Variants in POLR3A observed in about 807,000 individuals in gnomAD.
POLR3A encodes the protein DNA-directed RNA polymerase III subunit RPC1.
Under a neutral mutation model 152.8 loss-of-function variants are expected in POLR3A, and 112 were observed. That is an observed-to-expected ratio of 0.73 (90% CI 0.63 to 0.86). The LOEUF is 0.86. Among genes scored for constraint, POLR3A ranks in the 40% least tolerant of loss-of-function variants. The probability of loss-of-function intolerance (pLI) is 0.00; values close to 1 mark genes in which losing one functional copy is unlikely to be tolerated. For synonymous variants in POLR3A, 615 were observed against 652.1 expected (o/e 0.94, Z 0.87); for missense variants, 1,385 against 1,743.1 (o/e 0.79, Z 3.66).
chr10:77,985,576 G>C (rs918322721), intron 23 of POLR3A, among the ~76,000 whole-genome samples: 42 of 152,240 alleles, frequency 2.8e-4, no homozygotes, highest in African/African-American at 1.0e-3. Context: ...ATGGCTGCTT[G>C]TGGTCAGCAT....
chr10:78,025,567 C>T, intron 3 of POLR3A, 55 bp downstream of exon 3: 2 of 1,593,844 alleles, frequency 1.3e-6, no homozygotes, highest in Non-Finnish European at 1.7e-6. Context: ...ATTCCAGCAT[C>T]CCTGACCAAT....
Position 77,991,100 on chromosome 10 carries a change from A to G in POLR3A, c.2855T>C (p.Ile952Thr). Residue 952 changes from isoleucine (I) to threonine (T), a missense_variant, in exon 21 of 31, where the codon ATC becomes ACC. Physicochemically the swap from Ile to Thr is moderately conservative, Grantham distance 89. Around this residue, in one of 7 missense-constraint regions of POLR3A, gnomAD observed 178 missense variants for 204.6 expected, o/e 0.87. Coordinates refer to ENST00000372371, the MANE Select transcript of POLR3A (RefSeq NM_007055.4). The part of the protein sequence containing the change: ...KNELILTTES[I>T]MKKSEFLCCQ... The stretch of plus-strand genomic sequence containing the variant: ...GCAGAGGAACTCACTCTTCTTCATG[A>G]TGGACTCTGTGGTCAGGATCAGCTC... The G allele has an allele frequency of 6.2e-7, 1 of 1,613,806 alleles. No homozygotes were observed. Among genetic ancestry groups the G allele is most frequent in the Non-Finnish European group, 8.5e-7 (1 of 1,179,698 alleles).
intron 29 of POLR3A, among the ~76,000 whole-genome samples, chr10:77,980,590 GA>G (rs1194930943): frequency 6.6e-6 from 1 of 151,984 alleles, no homozygotes; most frequent in Non-Finnish European, 1.5e-5. Context: ...AAAAATAAAA[GA>G]ATGTAAAAAC....
At chr10:77,986,205 G>T in intron 21 of POLR3A, 46 bp from the exon 22 acceptor site, 1 of 930,180 alleles carries the variant, frequency 1.1e-6, no homozygotes, top group Non-Finnish European at 1.8e-6. Flanking sequence ...TCACAGTCAT[G>T]CAGATGACAT....
intron 10 of POLR3A, among the ~76,000 whole-genome samples, chr10:78,017,184 T>C (rs899844467): frequency 3.3e-5 from 5 of 150,524 alleles, no homozygotes; most frequent in Non-Finnish European, 5.9e-5. Flanking sequence ...TCCCAGAACT[T>C]TGGGAGGCTG....
intron 19 of POLR3A, among the ~76,000 whole-genome samples, chr10:77,999,351 T>C (rs551398077): frequency 6.6e-6 from 1 of 152,090 alleles, no homozygotes; most frequent in African/African-American, 2.4e-5. Context: ...AGTACAGGGA[T>C]TGAAAAGACA....
intron 30 of POLR3A, among the ~76,000 whole-genome samples, chr10:77,978,940 G>C (rs997015047): frequency 3.3e-5 from 5 of 152,054 alleles, no homozygotes; most frequent in African/African-American, 1.2e-4. Context: ...GGGATTACAG[G>C]CGTGAGCCAC....
intron 10 of POLR3A, among the ~76,000 whole-genome samples, chr10:78,015,202 G>A (rs1847507070): frequency 6.6e-6 from 1 of 152,122 alleles, no homozygotes; most frequent in Non-Finnish European, 1.5e-5. Context: ...CACAGATATG[G>A]GTTCATCGAA....
At chr10:78,022,521 G>A (rs1847590185) in intron 5 of POLR3A, 137 bp from the exon 6 acceptor site, 8 of 865,362 alleles carry the variant, frequency 9.2e-6, no homozygotes, top group Admixed American at 2.2e-5. Context: ...TGGATGATAC[G>A]CTATGCTGCA....
At chr10:78,026,457 G>T (rs1232034559) in intron 1 of POLR3A, among the ~76,000 whole-genome samples, 1 of 152,024 alleles carries the variant, frequency 6.6e-6, no homozygotes, top group Non-Finnish European at 1.5e-5. Context: ...GCTCACCAAG[G>T]CCACCTAGAC....
Position 78,022,318 on chromosome 10 carries a change from G to A in POLR3A, c.712C>T (p.Leu238Phe). The change falls in exon 6 of 31, where the codon CTT (leucine) becomes TTT (phenylalanine). Residue 238 changes from leucine (L) to phenylalanine (F), a missense_variant. Physicochemically the swap from Leu to Phe is conservative, Grantham distance 22. Transcript: ENST00000372371. ...KRIPAEDVPL[L>F]LMNPEAGKPS... Reference sequence around the variant, plus strand: ...TTTCCGGCTTCTGGGTTCATCAGAAGTAGAGGAACATCTTCAGCTGGGATT... The same window carrying A: ...TTTCCGGCTTCTGGGTTCATCAGAAATAGAGGAACATCTTCAGCTGGGATT... The A allele has an allele frequency of 6.2e-7, 1 of 1,614,156 alleles. No homozygotes were observed. The highest frequency in any genetic ancestry group is 8.5e-7 in the Non-Finnish European group (1 of 1,179,980).
chr10:78,017,815 TCAAA>T, intron 9 of POLR3A, 99 bp from the exon 10 acceptor site: 1 of 1,335,506 alleles, frequency 7.5e-7, no homozygotes. Context: ...TATTATTTCA[TCAAA>T]TCTAAGATGC....
At chr10:77,985,814 T>C in intron 23 of POLR3A, 89 bp downstream of exon 23, 1 of 953,970 alleles carries the variant, frequency 1.0e-6, no homozygotes, top group South Asian at 1.3e-5. Flanking sequence ...ACAAGTGAGC[T>C]GGTGCAGGGT....
Position 77,991,148 on chromosome 10 carries a change from C to A in POLR3A, c.2807G>T (p.Ser936Ile), listed in dbSNP as rs139271396. The A allele has an allele frequency of 2.5e-6, 4 of 1,611,830 alleles. No homozygotes were observed. In the African/African-American group the frequency reaches 5.3e-5, roughly 22 times the overall value. Reference sequence around the variant, plus strand: ...CTCGTTTTTGCTGAGAGCAGGCTCACTGGGACACGGGAAGACTGCCTTGAG... The same window carrying A: ...CTCGTTTTTGCTGAGAGCAGGCTCAATGGGACACGGGAAGACTGCCTTGAG... Reference protein sequence around the residue: ...DNIKAVFPCPSEPALSKNELI... With the variant: ...DNIKAVFPCPIEPALSKNELI... Residue 936 changes from serine (S) to isoleucine (I), a missense_variant, in exon 21 of 31, where the codon AGT (serine) becomes ATT (isoleucine). Physicochemically the swap from Ser to Ile is moderately radical, Grantham distance 142. Around this residue, in one of 7 missense-constraint regions of POLR3A, gnomAD observed 178 missense variants for 204.6 expected, o/e 0.87. Coordinates refer to ENST00000372371, the MANE Select transcript of POLR3A (RefSeq NM_007055.4).
intron 19 of POLR3A, among the ~76,000 whole-genome samples, chr10:77,999,232 G>A (rs1320942751): frequency 6.6e-6 from 1 of 151,960 alleles, no homozygotes; most frequent in African/African-American, 2.4e-5. Context: ...ACACCAACAT[G>A]GCACATGTAT....
chr10:78,006,970 C>G (rs1337093217), intron 15 of POLR3A, among the ~76,000 whole-genome samples: 1 of 152,062 alleles, frequency 6.6e-6, no homozygotes, highest in Non-Finnish European at 1.5e-5. Flanking sequence ...CTTAGTTGGG[C>G]ATGGTGGCAC....
chr10:77,982,123 C>T (rs772566312), intron 28 of POLR3A, 31 bp downstream of exon 28: 22 of 1,600,186 alleles, frequency 1.4e-5, no homozygotes, highest in Admixed American at 1.7e-5. Flanking sequence ...GACAGCCTAA[C>T]CCTAAGGCGA....
chr10:78,007,767 T>A lies in POLR3A; in HGVS notation c.2009A>T (p.Asp670Val). Residue 670 changes from aspartate (D) to valine (V), a missense_variant, in exon 15 of 31, where the codon GAC becomes GTC. By Grantham distance (152) the Asp-to-Val change is radical (BLOSUM62 -3). This residue lies in a region of POLR3A where 188 missense variants were observed against 179.9 expected (regional missense o/e 1.04). Transcript: ENST00000372371. The part of the protein sequence containing the change: ...KNNIFYILLR[D>V]WGQNEAADAM... ...ATCTGCAGCTTCATTCTGTCCCCAGTCTCGCAGCAAAATGTAAAAAATATT... is the reference window on the plus strand; with the variant it reads ...ATCTGCAGCTTCATTCTGTCCCCAGACTCGCAGCAAAATGTAAAAAATATT... 3.7e-6 allele frequency: 6 copies of A among 1,614,110 alleles called. No individual in the cohort carries two copies. Among genetic ancestry groups the A allele is most frequent in the Non-Finnish European group, 4.2e-6 (5 of 1,179,982 alleles).
rs142834115 is a variant in POLR3A, at chr10:77,999,993, C to T, written c.2604G>A (p.Thr868=). 1.5e-3 allele frequency: 2,405 copies of T among 1,614,146 alleles called. 3 individuals are homozygous for T. Among genetic ancestry groups the T allele is most frequent in the South Asian group, 1.8e-3 (164 of 91,084 alleles). Residue 868 remains threonine (T), a synonymous_variant, in exon 19 of 31, where the codon ACG becomes ACA. Transcript: ENST00000372371. ...LVDTAVKTAE[T]GYMQRRLVKS... is the part of the protein sequence containing the mutation. ...TTCTTCAGGTTACCTGCATGTATCC[C>T]GTTTCAGCTGTCTTTACAGCCGTGT... is the stretch of plus-strand genomic sequence containing the variant.
Sources: allele counts gnomAD v4.1 joint callset (sites outside exome capture counted in the v4.1 genomes callset), GRCh38; gene constraint gnomAD v4.1.1; regional missense constraint gnomAD v4.1.1; transcripts MANE v1.5; gene names NCBI Gene and HGNC (gene_info 2026-07-23, HGNC 2026-07-21).